NUDT13: variants seen among roughly 807,000 people sequenced by gnomAD.
NUDT13 encodes nudix hydrolase 13.
A neutral mutation model predicts 41.7 loss-of-function variants in NUDT13; 40 were observed. That is an observed-to-expected ratio of 0.96 (90% CI 0.75 to 1.25). NUDT13 has a LOEUF of 1.25. NUDT13 is among the 50% of genes most tolerant of loss of function. The pLI is 0.00. For synonymous variants in NUDT13, 145 were observed against 155.5 expected (o/e 0.93, Z 0.50); for missense variants, 390 against 416.1 (o/e 0.94, Z 0.55).
At chr10:73,114,867 A>T (rs960800141) in intron 2 of NUDT13, 6 of 152,490 alleles carry the variant, frequency 3.9e-5, no homozygotes, top group African/African-American at 1.2e-4. Context: ...GAGGCCAAGG[A>T]GAACCTGAAC....
At chr10:73,111,115 T>TA (rs1214963405) in intron 1 of NUDT13, among the ~76,000 whole-genome samples, 1 of 152,016 alleles carries the variant, frequency 6.6e-6, no homozygotes, top group Non-Finnish European at 1.5e-5. Flanking sequence ...TAGCTGGGAC[T>TA]ACAGGCGCCC....
rs773996099 is a variant in NUDT13 at position 73,124,201 on chromosome 10, T to C, written c.359-13T>C. 6.4e-7 allele frequency: 1 copy of C among 1,565,748 alleles called. No homozygotes were observed. The highest frequency in any genetic ancestry group is 8.8e-7 in the Non-Finnish European group (1 of 1,139,778). On this transcript the variant is annotated splice_polypyrimidine_tract_variant and intron_variant, in intron 4 of 8. Coordinates refer to ENST00000357321, the MANE Select transcript of NUDT13 (RefSeq NM_015901.6). ...GTCATTGTTTAATTTCATTATCTTT[T>C]CTAATTTTCTAGCCTCCTTACACAA...
chr10:73,122,149 T>C (rs772756594), intron 3 of NUDT13, 26 bp from the exon 4 acceptor site: 12 of 1,605,910 alleles, frequency 7.5e-6, no homozygotes. Flanking sequence ...GTTTTGCTTT[T>C]CTCCCTTCCC....
chr10:73,110,538 A>G lies in NUDT13; in HGVS notation c.-39A>G, dbSNP rs1015123623. 3.3e-5 allele frequency: 5 copies of G among 152,222 alleles called. No individual in the cohort carries two copies. Among genetic ancestry groups the G allele is most frequent in the Non-Finnish European group, 7.3e-5 (5 of 68,050 alleles). 9.4% of individuals were successfully genotyped at this position (152,222 alleles called of 1,614,324 possible). The stretch of plus-strand genomic sequence containing the variant: ...TCCTCTTTTGTGCTGATTCCTGAGG[A>G]CTAGGAAGGTGCCCCGAAAAGAATT... On this transcript the variant is annotated 5_prime_UTR_variant, in exon 1 of 9. Coordinates refer to ENST00000357321, the MANE Select transcript of NUDT13 (RefSeq NM_015901.6).
chr10:73,120,953 AG>A (rs1842633699), intron 3 of NUDT13, among the ~76,000 whole-genome samples: 1 of 150,854 alleles, frequency 6.6e-6, no homozygotes, highest in African/African-American at 2.5e-5. Context: ...AAAAAAAAAA[AG>A]TTCCATCATA....
In NUDT13 at chr10:73,130,955, G is replaced by T; in HGVS notation, c.*52G>T. The T allele has an allele frequency of 6.8e-7, 1 of 1,464,090 alleles. No homozygotes were observed. The allele number at this position is 1,464,090 out of a possible 1,614,324, so 90.7% of individuals were successfully genotyped here. On this transcript the variant is annotated 3_prime_UTR_variant, in exon 9 of 9. Transcript: ENST00000357321. ...CTTGGTATTCCTGAGGGACAAACTA[G>T]AGATCAGTTGACAAAGGAGAAGTGA...
chr10:73,120,002 T>G lies in NUDT13; in HGVS notation c.84-16T>G. On this transcript the variant is annotated splice_polypyrimidine_tract_variant and intron_variant, in intron 2 of 8. Coordinates refer to ENST00000357321, the MANE Select transcript of NUDT13 (RefSeq NM_015901.6). Reference sequence around the variant, plus strand: ...AAGGGTGGTTTTGTAATGGTTTGATTATTTCCCAAATACAGGTATTTATTT... The same window carrying G: ...AAGGGTGGTTTTGTAATGGTTTGATGATTTCCCAAATACAGGTATTTATTT... 1.2e-6 allele frequency: 2 copies of G among 1,607,862 alleles called. No individual in the cohort carries two copies. The highest frequency in any genetic ancestry group is 2.3e-5 in the South Asian group (2 of 85,478).
rs57047791 is a variant in NUDT13 at position 73,125,651 on chromosome 10, T to TTATATATATATATATATATATATA, written c.703+145_703+168dup. ...GTCAAGAAAACTGCTTTCTGGCATT[T>TTATATATATATATATATATATATA]TATATATATATATATATATATATAT... On this transcript the variant is annotated intron_variant, in intron 7 of 8. Transcript: ENST00000357321. The TTATATATATATATATATATATATA allele has an allele frequency of 2.4e-4, 47 of 195,572 alleles. 1 individual carries two copies. The highest frequency in any genetic ancestry group is 1.3e-3 in the African/African-American group (46 of 34,734). 12.1% of individuals were successfully genotyped at this position (195,572 alleles called of 1,614,324 possible). A position where few individuals can be genotyped will look rare whatever the true frequency, so the allele number is the denominator to read the frequency against.
chr10:73,120,631 GTTA>G (rs1254887922), intron 3 of NUDT13, among the ~76,000 whole-genome samples: 1 of 152,076 alleles, frequency 6.6e-6, no homozygotes, highest in Non-Finnish European at 1.5e-5. Context: ...GAGGTACACA[GTTA>G]TGCTAATTCA....
At chr10:73,111,342 C>A (rs1254770594) in intron 1 of NUDT13, among the ~76,000 whole-genome samples, 2 of 151,758 alleles carry the variant, frequency 1.3e-5, no homozygotes, top group African/African-American at 4.8e-5. Context: ...CCACTAGATT[C>A]AAGATGGGCT....
At chr10:73,125,595 T>G (rs1589666168) in intron 7 of NUDT13, 86 bp downstream of exon 7, 1 of 801,614 alleles carries the variant, frequency 1.2e-6, no homozygotes, top group Middle Eastern at 3.9e-4. Context: ...GCTATAGAGC[T>G]TGAATTCCCA....
At chr10:73,126,558 CCAAGAGCATTT>C (rs1842786360) in intron 7 of NUDT13, 104 bp from the exon 8 acceptor site, 1 of 1,200,082 alleles carries the variant, frequency 8.3e-7, no homozygotes, top group African/African-American at 1.5e-5. Flanking sequence ...TAGGACACTC[CCAAGAGCATTT>C]CATTGAAACT....
chr10:73,122,248 T>C lies in NUDT13; in HGVS notation c.297T>C (p.Ser99=). ...RIEDSVLIGC[S]EQQEAWFALD... is the part of the protein sequence containing the mutation. Reference sequence around the variant, plus strand: ...AAGATTCTGTGCTGATTGGATGCTCTGAGCAGCAGGAAGCATGGTTTGCTC... The same window carrying C: ...AAGATTCTGTGCTGATTGGATGCTCCGAGCAGCAGGAAGCATGGTTTGCTC... The change falls in exon 4 of 9, where the codon TCT becomes TCC. Residue 99 remains serine (S), a synonymous_variant. Coordinates refer to ENST00000357321, the MANE Select transcript of NUDT13 (RefSeq NM_015901.6). The C allele has an allele frequency of 6.2e-7, 1 of 1,614,090 alleles. No homozygotes were observed. Among genetic ancestry groups the C allele is most frequent in the South Asian group, 1.1e-5 (1 of 91,084 alleles).
chr10:73,111,950 GAACA>G (rs892756925), intron 1 of NUDT13, among the ~76,000 whole-genome samples: 6 of 152,004 alleles, frequency 3.9e-5, no homozygotes, highest in African/African-American at 1.2e-4. Flanking sequence ...ACAGAAAAAT[GAACA>G]AAATAAAAAT....
intron 8 of NUDT13, chr10:73,130,255 G>A (rs1842883815): frequency 6.6e-6 from 1 of 151,988 alleles, no homozygotes; most frequent in African/African-American, 2.4e-5. Flanking sequence ...AAGATCAGGA[G>A]ATCGAGACCA....
rs761956386 is a variant in NUDT13, at chr10:73,130,788, A to G, written c.944A>G (p.Tyr315Cys). The G allele has an allele frequency of 3.1e-6, 5 of 1,613,782 alleles. No individual in the cohort carries two copies. The highest frequency in any genetic ancestry group is 4.5e-5 in the East Asian group (2 of 44,862). The stretch of plus-strand genomic sequence containing the variant: ...ACAGCCCTGAAGAGAAAGGGCCCCT[A>G]TACTCAGCAACAGAATGGGACTTTC... Reference protein sequence around the residue: ...VATALKRKGPYTQQQNGTFPF... With the variant: ...VATALKRKGPCTQQQNGTFPF... Residue 315 changes from tyrosine to cysteine, a missense_variant, in exon 9 of 9, where the codon TAT (tyrosine) becomes TGT (cysteine). Tyr to Cys is a radical substitution (Grantham distance 194). Transcript: ENST00000357321.
intron 4 of NUDT13, 30 bp from the exon 5 acceptor site, chr10:73,124,184 T>C (rs917912800): frequency 1.3e-6 from 2 of 1,490,714 alleles, no homozygotes; most frequent in Non-Finnish European, 1.9e-6. Flanking sequence ...TTGTCATTGT[T>C]TAATTTCATT....
At chr10:73,111,510 A>T (rs1842367368) in intron 1 of NUDT13, among the ~76,000 whole-genome samples, 2 of 152,234 alleles carry the variant, frequency 1.3e-5, no homozygotes, top group South Asian at 4.1e-4. Flanking sequence ...GGAAAGATGA[A>T]CAGGATAAGA....
At chr10:73,129,228 AG>A (rs1330052664) in intron 8 of NUDT13, among the ~76,000 whole-genome samples, 1 of 138,172 alleles carries the variant, frequency 7.2e-6, no homozygotes, top group East Asian at 2.2e-4. Context: ...GCTGGAGTGC[AG>A]TGGCACAATC....
Sources: allele counts gnomAD v4.1 joint callset (sites outside exome capture counted in the v4.1 genomes callset), GRCh38; gene constraint gnomAD v4.1.1; transcripts MANE v1.5; gene names NCBI Gene and HGNC (gene_info 2026-07-23, HGNC 2026-07-21).